CARF: variants seen among roughly 807,000 people sequenced by gnomAD.
The protein encoded by CARF is calcium-responsive transcription factor.
A neutral mutation model predicts 82.0 loss-of-function variants in CARF; 57 were observed. The ratio of observed to expected loss-of-function variants is 0.70; its 90% CI spans 0.56 to 0.87. CARF has a LOEUF of 0.87. Among genes scored for constraint, CARF ranks in the 40% least tolerant of loss-of-function variants. The pLI is 0.00. For synonymous variants in CARF, 268 were observed against 290.1 expected (o/e 0.92, Z 0.77); for missense variants, 771 against 855.8 (o/e 0.90, Z 1.24).
At chr2:202,940,822 A>G (rs1286653013) in intron 3 of CARF, among the ~76,000 whole-genome samples, 1 of 151,222 alleles carries the variant, frequency 6.6e-6, no homozygotes, top group Non-Finnish European at 1.5e-5. Context: ...AGTTGGGGGG[A>G]GGGGAGGGCG....
At chr2:202,915,610 C>T (rs1423468346) in intron 1 of CARF, among the ~76,000 whole-genome samples, 1 of 152,196 alleles carries the variant, frequency 6.6e-6, no homozygotes, top group Non-Finnish European at 1.5e-5. Context: ...GCTGGGATTA[C>T]AGGCACACGC....
chr2:202,948,608 A>G (rs759640362), intron 5 of CARF, among the ~76,000 whole-genome samples: 15 of 151,878 alleles, frequency 9.9e-5, no homozygotes, highest in Admixed American at 7.2e-4. Context: ...TTTTCTGGCA[A>G]TTGTGAATAG....
intron 5 of CARF, among the ~76,000 whole-genome samples, chr2:202,945,437 G>A (rs1209046681): frequency 1.3e-5 from 2 of 152,114 alleles, no homozygotes; most frequent in Non-Finnish European, 2.9e-5. Context: ...GTACCCAATA[G>A]TTATTTTTTC....
chr2:202,936,596 T>G (rs780732925), intron 3 of CARF, among the ~76,000 whole-genome samples: 2 of 152,236 alleles, frequency 1.3e-5, no homozygotes, highest in Non-Finnish European at 2.9e-5. Context: ...TGTTTGTTTT[T>G]AGACAGGGTC....
intron 14 of CARF, 132 bp downstream of exon 14, chr2:202,977,464 G>A: frequency 1.5e-6 from 1 of 658,630 alleles, no homozygotes; most frequent in South Asian, 2.0e-5. Context: ...GAGCAGCTAT[G>A]TTATGGTTTA....
chr2:202,955,739 G>A lies in CARF; in HGVS notation c.623G>A (p.Cys208Tyr). ...PLSSNTPIWACRLRSCEKIGD... is the reference protein window; with the variant it reads ...PLSSNTPIWAYRLRSCEKIGD... ...TCTTCTAATACACCTATATGGGCCT[G>A]CCGTCTTAGGAGCTGTGAGGTGAGT... Residue 208 changes from cysteine (C) to tyrosine (Y), a missense_variant, in exon 8 of 17, where the codon TGC (cysteine) becomes TAC (tyrosine). Transcript: ENST00000438828. 1.2e-6 allele frequency: 2 copies of A among 1,611,174 alleles called. No individual in the cohort carries two copies. The highest frequency in any genetic ancestry group is 1.7e-6 in the Non-Finnish European group (2 of 1,178,354).
chr2:202,972,038 A>G (rs1574763570), intron 12 of CARF, among the ~76,000 whole-genome samples: 1 of 152,144 alleles, frequency 6.6e-6, no homozygotes, highest in East Asian at 1.9e-4. Flanking sequence ...GTTAATAAAT[A>G]CTTTTAGAGA....
intron 1 of CARF, among the ~76,000 whole-genome samples, chr2:202,917,127 C>T (rs1341262275): frequency 4.5e-5 from 6 of 134,386 alleles, no homozygotes; most frequent in South Asian, 2.5e-4. Flanking sequence ...AGGAGAATGG[C>T]GTGAACCCGG....
At chr2:202,953,498 G>GTTTTTTTTTTTTTTTTTTTTTTTTTTTTT (rs67855316) in intron 6 of CARF, among the ~76,000 whole-genome samples, 2 of 70,294 alleles carry the variant, frequency 2.8e-5, no homozygotes, top group Non-Finnish European at 5.0e-5. Flanking sequence ...TTTTTTTGTT[G>GTTTTTTTTTTTTTTTTTTTTTTTTTTTTT]TTTTTTTTTT....
chr2:202,960,323 C>A (rs954588971), intron 8 of CARF, among the ~76,000 whole-genome samples: 1 of 151,684 alleles, frequency 6.6e-6, no homozygotes, highest in Non-Finnish European at 1.5e-5. Context: ...AATCTCAACT[C>A]ACTGCAACCT....
chr2:202,942,003 T>C (rs2105802352), intron 4 of CARF, 23 bp downstream of exon 4: 1 of 1,585,046 alleles, frequency 6.3e-7, no homozygotes, highest in Non-Finnish European at 8.7e-7. Flanking sequence ...CTGGGAACCT[T>C]TTTCCATCCT....
At chr2:202,982,755 T>C (rs1041046211) in intron 16 of CARF, among the ~76,000 whole-genome samples, 11 of 152,040 alleles carry the variant, frequency 7.2e-5, no homozygotes, top group Non-Finnish European at 1.6e-4. Context: ...AAAAAATTAA[T>C]AGGAAAAAAT....
intron 5 of CARF, among the ~76,000 whole-genome samples, chr2:202,949,464 C>A (rs1574632101): frequency 6.6e-6 from 1 of 150,448 alleles, no homozygotes; most frequent in Admixed American, 6.7e-5. Flanking sequence ...CCAAATGGAG[C>A]TTTTTAAAGA....
At chr2:202,943,448 A>G (rs1427421314) in intron 5 of CARF, among the ~76,000 whole-genome samples, 1 of 152,192 alleles carries the variant, frequency 6.6e-6, no homozygotes, top group Non-Finnish European at 1.5e-5. Flanking sequence ...ATTCAGGACT[A>G]CAAATAGTAC....
chr2:202,961,811 C>T, intron 9 of CARF: 1 of 276,194 alleles, frequency 3.6e-6, no homozygotes, highest in Non-Finnish European at 6.7e-6. Flanking sequence ...AAATTTATGT[C>T]TATTTTATGT....
intron 14 of CARF, among the ~76,000 whole-genome samples, chr2:202,980,430 G>A (rs1036597693): frequency 6.6e-6 from 1 of 150,696 alleles, no homozygotes; most frequent in South Asian, 2.1e-4. Flanking sequence ...TAAATTTAAT[G>A]CTGTTATCAT....
At chr2:202,946,253 A>T (rs1268583467) in intron 5 of CARF, among the ~76,000 whole-genome samples, 1 of 152,238 alleles carries the variant, frequency 6.6e-6, no homozygotes, top group African/African-American at 2.4e-5. Context: ...AAACTATACT[A>T]CAAGGCTACA....
chr2:202,982,279 G>T lies in CARF; in HGVS notation c.1897G>T (p.Gly633Cys). 6.2e-7 allele frequency: 1 copy of T among 1,614,094 alleles called. No individual in the cohort carries two copies. Among genetic ancestry groups the T allele is most frequent in the Non-Finnish European group, 8.5e-7 (1 of 1,180,014 alleles). The change falls in exon 16 of 17, where the codon GGT becomes TGT. Residue 633 changes from glycine to cysteine, a missense_variant. Coordinates refer to ENST00000438828, the MANE Select transcript of CARF (RefSeq NM_024744.17). ...TQNNSTASTM[G>C]NLPEPDQNLV... ...AAACAATAGTACTGCCTCCACCATGGGTAACCTTCCAGAACCAGATCAAAA... is the reference window on the plus strand; with the variant it reads ...AAACAATAGTACTGCCTCCACCATGTGTAACCTTCCAGAACCAGATCAAAA...
chr2:202,913,722 A>G (rs1689087758), intron 1 of CARF, among the ~76,000 whole-genome samples: 1 of 152,248 alleles, frequency 6.6e-6, no homozygotes, highest in African/African-American at 2.4e-5. Context: ...ATCTGTACTT[A>G]CTGGTAATAT....
Sources: gnomAD v4.1 joint callset for allele counts (sites outside exome capture counted in the v4.1 genomes callset) on GRCh38, gnomAD v4.1.1 for gene constraint, MANE v1.5 for transcripts, NCBI Gene and HGNC (gene_info 2026-07-23, HGNC 2026-07-21) for gene names.